PRELID2: variants seen among roughly 807,000 people sequenced by gnomAD.
PRELID2 encodes PRELI domain-containing protein 2.
In PRELID2, 25 loss-of-function variants were observed where a neutral mutation model predicts 28.4. The observed-to-expected ratio is 0.88, with a 90% confidence interval of 0.64 to 1.23. PRELID2 has a LOEUF of 1.23. Among genes scored for constraint, PRELID2 ranks in the 50% most tolerant of loss-of-function variants. The pLI, the probability that PRELID2 is intolerant of heterozygous loss-of-function variation, is 0.00. For synonymous variants in PRELID2, 76 were observed against 71.6 expected (o/e 1.06, Z -0.31); for missense variants, 201 against 214.4 (o/e 0.94, Z 0.39).
chr5:145,250,889 C>T, the PRELID2 span, among the ~76,000 whole-genome samples: 1 of 152,042 alleles, frequency 6.6e-6, no homozygotes, highest in Non-Finnish European at 1.5e-5. Context: ...ATCTGCAGTG[C>T]CTGGAAGAGC....
the PRELID2 span, among the ~76,000 whole-genome samples, chr5:145,403,595 A>G: frequency 6.6e-6 from 1 of 152,194 alleles, no homozygotes; most frequent in African/African-American, 2.4e-5. Flanking sequence ...ACTCAGACCT[A>G]CTGGGTAAAA....
the PRELID2 span, among the ~76,000 whole-genome samples, chr5:145,352,892 A>G: frequency 1.3e-5 from 2 of 152,260 alleles, no homozygotes; most frequent in Middle Eastern, 6.8e-3. Flanking sequence ...CCAGTTCCCA[A>G]TAATTTTCTC....
At chr5:145,295,258 T>C in the PRELID2 span, among the ~76,000 whole-genome samples, 1 of 152,176 alleles carries the variant, frequency 6.6e-6, no homozygotes, top group African/African-American at 2.4e-5. Flanking sequence ...ATGAAAAATT[T>C]ATTTTGGAAT....
chr5:145,529,583 GA>G (rs1302695719), intron 1 of PRELID2, among the ~76,000 whole-genome samples: 19 of 152,172 alleles, frequency 1.2e-4, no homozygotes, highest in African/African-American at 4.1e-4. Context: ...TTTATTTAAG[GA>G]ATATTGACTG....
rs150139026 is a variant in PRELID2 at position 145,506,018 on chromosome 5, G to C, written n.71-32703C>G. On this transcript the variant is annotated intron_variant and non_coding_transcript_variant, in intron 1 of 2. Transcript: ENST00000510259. Reference sequence around the variant, plus strand: ...GAGAGAAAATGTGGAGTTACCAAGAGGATTCTAGAGGTCTGATGTACAACA... The same window carrying C: ...GAGAGAAAATGTGGAGTTACCAAGACGATTCTAGAGGTCTGATGTACAACA... Among the ~76,000 whole-genome samples the C allele has an allele frequency of 1.9e-3, 288 of 152,256 alleles. 1 individual carries two copies. Among genetic ancestry groups the C allele is most frequent in the African/African-American group, 6.7e-3 (278 of 41,556 alleles).
At chr5:145,245,743 AG>A in the PRELID2 span, among the ~76,000 whole-genome samples, 1 of 152,100 alleles carries the variant, frequency 6.6e-6, no homozygotes, top group Non-Finnish European at 1.5e-5. Context: ...TTAACAGCAC[AG>A]GTTTTGGAAT....
intron 1 of PRELID2, among the ~76,000 whole-genome samples, chr5:145,561,799 T>C (rs558109112): frequency 2.6e-5 from 4 of 152,324 alleles, no homozygotes; most frequent in South Asian, 4.1e-4. Flanking sequence ...ATGCCTCTTA[T>C]GGCCCCAGAA....
At chr5:145,821,299 C>T (rs1012811350) in intron 2 of PRELID2, among the ~76,000 whole-genome samples, 19 of 146,790 alleles carry the variant, frequency 1.3e-4, no homozygotes, top group African/African-American at 4.8e-4. Context: ...AAGCTCTCTT[C>T]TGTGTGTGTG....
At chr5:145,749,132 A>C (rs1218963796) in intron 1 of PRELID2, among the ~76,000 whole-genome samples, 1 of 152,200 alleles carries the variant, frequency 6.6e-6, no homozygotes. Context: ...AATGGGATCT[A>C]ATTAAAGAGC....
intron 6 of PRELID2, among the ~76,000 whole-genome samples, chr5:145,763,710 A>T (rs1757587809): frequency 6.6e-6 from 1 of 152,216 alleles, no homozygotes; most frequent in African/African-American, 2.4e-5. Context: ...CCAACACAAG[A>T]AAACCTGAGG....
intron 5 of PRELID2, among the ~76,000 whole-genome samples, chr5:145,791,770 T>C (rs1437106580): frequency 6.6e-6 from 1 of 152,200 alleles, no homozygotes; most frequent in East Asian, 1.9e-4. Flanking sequence ...AACAAACTTT[T>C]AATATTATTT....
the PRELID2 span, among the ~76,000 whole-genome samples, chr5:145,286,902 G>C: frequency 6.6e-6 from 1 of 151,972 alleles, no homozygotes; most frequent in Admixed American, 6.6e-5. Flanking sequence ...GCAGAGATGA[G>C]TTTCACCATA....
At chr5:145,328,528 T>C in the PRELID2 span, among the ~76,000 whole-genome samples, 3 of 152,356 alleles carry the variant, frequency 2.0e-5, no homozygotes, top group East Asian at 5.8e-4. Flanking sequence ...CTTTCTCTAA[T>C]GACCAGTGAT....
rs765745155 is a variant in PRELID2, at chr5:145,757,412, G to A, written c.*3124C>T. Among the ~76,000 whole-genome samples, 5 of 152,192 alleles carry A rather than the reference G, an allele frequency of 3.3e-5. No homozygotes were observed. The highest frequency in any genetic ancestry group is 4.8e-5 in the African/African-American group (2 of 41,446). On this transcript the variant is annotated 3_prime_UTR_variant, in exon 7 of 7. Coordinates refer to ENST00000683046, the MANE Select transcript of PRELID2 (RefSeq NM_205846.3). ...GGGGAAAGGGACTGAGAACCTGCAC[G>A]TTAGCACGTTGCCCCAAAGATTTCT...
At chr5:145,428,186 T>C in the PRELID2 span, among the ~76,000 whole-genome samples, 1 of 152,154 alleles carries the variant, frequency 6.6e-6, no homozygotes, top group Non-Finnish European at 1.5e-5. Context: ...CTCAAACTCT[T>C]GACCTCAGGT....
At position 145,608,463 on chromosome 5, in the gene PRELID2, C is replaced by T. The variant is rs1280268250; in HGVS notation, n.71-135148G>A. Among the ~76,000 whole-genome samples, 12 of 152,062 alleles carry T rather than the reference C, an allele frequency of 7.9e-5. No homozygotes were observed. In the East Asian group the frequency reaches 2.3e-3, roughly 29 times the overall value. On this transcript the variant is annotated intron_variant and non_coding_transcript_variant, in intron 1 of 2. Coordinates refer to the PRELID2 transcript ENST00000510259. ...TGGTAATGAATTCTCTTAGCATTTGCTTGTCTGAAAAGGATCTTATTTCTC... is the reference window on the plus strand; with the variant it reads ...TGGTAATGAATTCTCTTAGCATTTGTTTGTCTGAAAAGGATCTTATTTCTC...
intron 5 of PRELID2, among the ~76,000 whole-genome samples, chr5:145,772,715 G>A (rs112849832): frequency 0.054 from 8,184 of 152,270 alleles, 297 homozygotes; most frequent in Non-Finnish European, 0.076. Context: ...TTTCCAACAT[G>A]TGCCTTGGGG....
At chr5:145,298,223 T>C in the PRELID2 span, among the ~76,000 whole-genome samples, 6 of 152,100 alleles carry the variant, frequency 3.9e-5, no homozygotes, top group Admixed American at 2.0e-4. Context: ...CAAACTATAC[T>C]ACAAGGCTAC....
chr5:145,241,896 G>A, the PRELID2 span, among the ~76,000 whole-genome samples: 18 of 151,714 alleles, frequency 1.2e-4, no homozygotes, highest in Non-Finnish European at 2.5e-4. Context: ...AATCCAGGAG[G>A]AAACATTCTT....
Sources: gnomAD v4.1 joint callset for allele counts (sites outside exome capture counted in the v4.1 genomes callset) on GRCh38, gnomAD v4.1.1 for gene constraint, MANE v1.5 for transcripts, NCBI Gene and HGNC (gene_info 2026-07-23, HGNC 2026-07-21) for gene names.